NSMCE2: variants seen among roughly 807,000 people sequenced by gnomAD.
NSMCE2 encodes the protein NSE2 SUMO ligase component of SMC5/6 complex, also known as E3 SUMO-protein ligase NSE2.
In NSMCE2, 24 loss-of-function variants were observed where a neutral mutation model predicts 23.8. That is an observed-to-expected ratio of 1.01 (90% CI 0.73 to 1.42). The LOEUF (loss-of-function observed/expected upper bound fraction) is 1.42, where lower values mean the gene tolerates loss of function less well. Ranked by LOEUF, NSMCE2 falls within the 40% of genes most tolerant of loss-of-function variation. NSMCE2 has a pLI of 0.00. For missense variants in NSMCE2, 284 were observed against 296.5 expected (o/e 0.96, Z 0.31); for synonymous variants, 92 against 94.1 (o/e 0.98, Z 0.13).
At chr8:125,211,667 C>G (rs1047331835) in intron 5 of NSMCE2, among the ~76,000 whole-genome samples, 5 of 152,146 alleles carry the variant, frequency 3.3e-5, no homozygotes. Flanking sequence ...ACAAACTGCT[C>G]TTTATGGGGA....
At chr8:125,332,845 T>C (rs1333852086) in intron 5 of NSMCE2, among the ~76,000 whole-genome samples, 3 of 152,244 alleles carry the variant, frequency 2.0e-5, no homozygotes, top group Non-Finnish European at 2.9e-5. Flanking sequence ...TTTAGTCTTA[T>C]GAACCAACCT....
intron 3 of NSMCE2, chr8:125,130,192 A>G (rs954560021): frequency 2.0e-5 from 9 of 454,894 alleles, no homozygotes; most frequent in African/African-American, 8.0e-5. Context: ...ATGTCTTATT[A>G]TGATTAGATT....
At chr8:125,275,751 G>A (rs1229523574) in intron 5 of NSMCE2, among the ~76,000 whole-genome samples, 1 of 151,696 alleles carries the variant, frequency 6.6e-6, no homozygotes, top group Non-Finnish European at 1.5e-5. Context: ...ACAATCCTAT[G>A]AATAAATACT....
intron 5 of NSMCE2, among the ~76,000 whole-genome samples, chr8:125,205,540 T>C (rs1824077961): frequency 6.6e-6 from 1 of 152,242 alleles, no homozygotes; most frequent in Non-Finnish European, 1.5e-5. Context: ...TAACCTTCTC[T>C]CTTGACTGGC....
chr8:125,347,056 G>A (rs1395237730), intron 5 of NSMCE2, among the ~76,000 whole-genome samples: 1 of 152,194 alleles, frequency 6.6e-6, no homozygotes, highest in Non-Finnish European at 1.5e-5. Flanking sequence ...TGTTGATAGT[G>A]CTGTGTCAGC....
intron 5 of NSMCE2, among the ~76,000 whole-genome samples, chr8:125,281,407 A>C (rs547523045): frequency 1.3e-5 from 2 of 152,166 alleles, no homozygotes; most frequent in South Asian, 2.1e-4. Flanking sequence ...TTATACAGCA[A>C]GGTTGCCAGA....
intron 4 of NSMCE2, among the ~76,000 whole-genome samples, chr8:125,164,964 G>A (rs1821803407): frequency 6.6e-6 from 1 of 152,182 alleles, no homozygotes; most frequent in African/African-American, 2.4e-5. Flanking sequence ...TAGAAGTAGT[G>A]AGGGATAAGT....
intron 3 of NSMCE2, among the ~76,000 whole-genome samples, chr8:125,136,164 T>C (rs542393277): frequency 7.2e-5 from 11 of 152,172 alleles, no homozygotes; most frequent in Non-Finnish European, 1.5e-4. Context: ...CCCCTGTTAA[T>C]GGCCAGTGGA....
chr8:125,308,372 A>G (rs1182085567), intron 5 of NSMCE2, among the ~76,000 whole-genome samples: 1 of 152,166 alleles, frequency 6.6e-6, no homozygotes, highest in Non-Finnish European at 1.5e-5. Context: ...AAAAATCACA[A>G]TTGGCAATTA....
intron 4 of NSMCE2, 90 bp from the exon 5 acceptor site, chr8:125,182,013 G>T: frequency 1.0e-6 from 1 of 973,142 alleles, no homozygotes; most frequent in South Asian, 1.7e-5. Flanking sequence ...CTTTTGCTTT[G>T]AATTATCTGA....
intron 5 of NSMCE2, among the ~76,000 whole-genome samples, chr8:125,200,332 T>C (rs1241480533): frequency 6.6e-6 from 1 of 152,220 alleles, no homozygotes; most frequent in Non-Finnish European, 1.5e-5. Context: ...TTTCCATGTT[T>C]AGTGCTTCCT....
At chr8:125,207,667 G>A (rs921350163) in intron 5 of NSMCE2, among the ~76,000 whole-genome samples, 34 of 152,286 alleles carry the variant, frequency 2.2e-4, no homozygotes, top group African/African-American at 5.8e-4. Flanking sequence ...TATTTGGCTC[G>A]TGACTATTTG....
At chr8:125,130,281 C>T in intron 3 of NSMCE2, 3 of 456,040 alleles carry the variant, frequency 6.6e-6, no homozygotes, top group Non-Finnish European at 1.3e-5. Context: ...TAGTGCAAGT[C>T]ATCAACATGA....
intron 5 of NSMCE2, among the ~76,000 whole-genome samples, chr8:125,210,507 A>G (rs1388501749): frequency 6.6e-6 from 1 of 152,210 alleles, no homozygotes; most frequent in Non-Finnish European, 1.5e-5. Flanking sequence ...TGACCACTTA[A>G]GAGAGAAATA....
At chr8:125,110,177 T>G (rs1818659474) in intron 3 of NSMCE2, among the ~76,000 whole-genome samples, 1 of 152,324 alleles carries the variant, frequency 6.6e-6, no homozygotes, top group Non-Finnish European at 1.5e-5. Flanking sequence ...CATGCCTCTC[T>G]GCCAGGGCAA....
intron 3 of NSMCE2, among the ~76,000 whole-genome samples, chr8:125,110,261 A>G (rs1487086095): frequency 1.3e-5 from 2 of 152,242 alleles, no homozygotes; most frequent in Non-Finnish European, 2.9e-5. Flanking sequence ...GAGGATTAAA[A>G]GTTTTACCAG....
chr8:125,354,931 A>G (rs1337288340), intron 5 of NSMCE2, among the ~76,000 whole-genome samples: 1 of 152,172 alleles, frequency 6.6e-6, no homozygotes, highest in Non-Finnish European at 1.5e-5. Flanking sequence ...AAAATTCCAC[A>G]TCTGGCCTCA....
At chr8:125,148,491 A>C (rs1389556797) in intron 3 of NSMCE2, among the ~76,000 whole-genome samples, 1 of 152,168 alleles carries the variant, frequency 6.6e-6, no homozygotes, top group Non-Finnish European at 1.5e-5. Context: ...CATTATATCT[A>C]TTTCCACTGA....
At chr8:125,240,101 G>T (rs1422392665) in intron 5 of NSMCE2, among the ~76,000 whole-genome samples, 1 of 151,440 alleles carries the variant, frequency 6.6e-6, no homozygotes, top group Non-Finnish European at 1.5e-5. Flanking sequence ...CAGCATTAGG[G>T]CAAGCTGAAG....
Sources: allele counts gnomAD v4.1 joint callset (sites outside exome capture counted in the v4.1 genomes callset), GRCh38; gene constraint gnomAD v4.1.1; transcripts MANE v1.5; gene names NCBI Gene and HGNC (gene_info 2026-07-23, HGNC 2026-07-21).